The following EYS variants were observed in gnomAD, a reference collection of about 807,000 sequenced individuals.
EYS encodes the protein EGF-like photoreceptor maintenance factor.
A neutral mutation model predicts 282.1 loss-of-function variants in EYS; 250 were observed. The ratio of observed to expected loss-of-function variants is 0.89; its 90% CI spans 0.80 to 0.98. The LOEUF (loss-of-function observed/expected upper bound fraction) is 0.98. EYS is among the 50% of genes least tolerant of loss of function. The pLI, the probability that EYS is intolerant of heterozygous loss-of-function variation, is 0.00. For missense variants in EYS, 4,016 were observed against 3,709.0 expected, an observed-to-expected ratio of 1.08 and a Z score of -2.15; for synonymous variants, 1,355 against 1,282.9, an observed-to-expected ratio of 1.06 and a Z score of -1.20.
chr6:64,327,633 G>A (rs1770477438), intron 29 of EYS, among the ~76,000 whole-genome samples: 1 of 152,110 alleles, frequency 6.6e-6, no homozygotes, highest in Non-Finnish European at 1.5e-5. Flanking sequence ...AGTGGCTGCA[G>A]GCCTGCTTTG....
Position 64,973,811 on chromosome 6 carries a change from A to T in EYS, c.2259+23771T>A, listed in dbSNP as rs1031695444. 1.4e-3 allele frequency among the ~76,000 whole-genome samples: 209 copies of T among 152,036 alleles called. 2 individuals carry two copies. Among genetic ancestry groups the T allele is most frequent in the African/African-American group, 4.7e-3 (195 of 41,546 alleles). On this transcript the variant is annotated intron_variant, in intron 14 of 42. Coordinates refer to ENST00000503581, the MANE Select transcript of EYS (RefSeq NM_001142800.2). Reference sequence around the variant, plus strand: ...CTGCATTTTTCGTAAAGCAGGCATTATTTCTCATTTTTAAAATGGGCTTTA... The same window carrying T: ...CTGCATTTTTCGTAAAGCAGGCATTTTTTCTCATTTTTAAAATGGGCTTTA...
At chr6:65,640,857 G>A (rs1439575579) in intron 1 of EYS, among the ~76,000 whole-genome samples, 3 of 151,778 alleles carry the variant, frequency 2.0e-5, no homozygotes, top group African/African-American at 4.8e-5. Context: ...TTCTGTCATT[G>A]ACCATTTCTG....
At chr6:65,387,889 A>G (rs1765861505) in intron 7 of EYS, among the ~76,000 whole-genome samples, 1 of 152,034 alleles carries the variant, frequency 6.6e-6, no homozygotes. Flanking sequence ...TTCATCATGC[A>G]TACATGGGGA....
At chr6:65,488,689 A>G (rs990542397) in intron 5 of EYS, among the ~76,000 whole-genome samples, 9 of 152,194 alleles carry the variant, frequency 5.9e-5, no homozygotes, top group African/African-American at 2.2e-4. Flanking sequence ...GGCAAGAAGA[A>G]CAAAGCTGGA....
intron 13 of EYS, among the ~76,000 whole-genome samples, chr6:65,009,771 C>A (rs986334558): frequency 3.3e-5 from 5 of 152,136 alleles, no homozygotes; most frequent in African/African-American, 9.7e-5. Flanking sequence ...GGTTTCCAAA[C>A]AAAAGGCTCA....
chr6:63,927,272 A>C (rs1356263506), intron 35 of EYS, among the ~76,000 whole-genome samples: 1 of 152,226 alleles, frequency 6.6e-6, no homozygotes, highest in Non-Finnish European at 1.5e-5. Context: ...AGGATCCTGC[A>C]CTTAATAAAA....
chr6:65,486,549 C>T (rs980227358), intron 5 of EYS, among the ~76,000 whole-genome samples: 2 of 152,178 alleles, frequency 1.3e-5, no homozygotes, highest in East Asian at 1.9e-4. Context: ...AAGTTTATTC[C>T]TCCATGATTC....
intron 2 of EYS, among the ~76,000 whole-genome samples, chr6:65,602,954 T>C (rs1333228994): frequency 1.3e-5 from 2 of 152,016 alleles, no homozygotes; most frequent in Non-Finnish European, 2.9e-5. Flanking sequence ...TAAGGTAAAG[T>C]AGTAGACTGA....
chr6:64,785,264 G>T (rs1325212732), intron 22 of EYS, among the ~76,000 whole-genome samples: 1 of 152,034 alleles, frequency 6.6e-6, no homozygotes, highest in Non-Finnish European at 1.5e-5. Context: ...AGCTTAGTTA[G>T]CTGTTAAAAT....
At chr6:65,646,344 T>C (rs9342491) in intron 1 of EYS, among the ~76,000 whole-genome samples, 7,640 of 152,228 alleles carry the variant, frequency 0.05, 415 homozygotes, top group East Asian at 0.3. Flanking sequence ...AGTGGGTTTA[T>C]ACCAGGGATG....
At chr6:64,076,429 G>A (rs749928607) in intron 32 of EYS, among the ~76,000 whole-genome samples, 9 of 151,870 alleles carry the variant, frequency 5.9e-5, no homozygotes, top group Non-Finnish European at 1.2e-4. Context: ...GGTTAATATG[G>A]TTTGGCTGTG....
chr6:65,148,884 T>C (rs1764544904), intron 12 of EYS, among the ~76,000 whole-genome samples: 1 of 152,096 alleles, frequency 6.6e-6, no homozygotes, highest in East Asian at 1.9e-4. Flanking sequence ...GCTTTCACCC[T>C]CTGAAGTAAT....
At chr6:64,131,062 T>G (rs2150281630) in intron 31 of EYS, among the ~76,000 whole-genome samples, 1 of 151,976 alleles carries the variant, frequency 6.6e-6, no homozygotes, top group South Asian at 2.1e-4. Context: ...GAGACAGAGT[T>G]TCACCATGTT....
chr6:63,781,197 T>C (rs886728478), intron 39 of EYS, among the ~76,000 whole-genome samples: 1 of 152,258 alleles, frequency 6.6e-6, no homozygotes, highest in African/African-American at 2.4e-5. Context: ...CCTCCAGGTT[T>C]GTCCTTTTTG....
intron 6 of EYS, among the ~76,000 whole-genome samples, chr6:65,403,908 G>C (rs2150364664): frequency 6.6e-6 from 1 of 152,062 alleles, no homozygotes; most frequent in Middle Eastern, 3.4e-3. Flanking sequence ...GTTCTTGATA[G>C]ATTATTGTAT....
At chr6:64,788,218 T>C (rs916105089) in intron 22 of EYS, among the ~76,000 whole-genome samples, 1 of 152,284 alleles carries the variant, frequency 6.6e-6, no homozygotes. Flanking sequence ...CAGATTAAGT[T>C]GACCAAGGAG....
intron 29 of EYS, among the ~76,000 whole-genome samples, chr6:64,330,852 C>G (rs925884254): frequency 3.3e-5 from 5 of 152,148 alleles, no homozygotes; most frequent in Non-Finnish European, 5.9e-5. Context: ...TAATCTAAAT[C>G]CAGCCACACT....
chr6:65,076,035 G>A (rs748134148), intron 12 of EYS, among the ~76,000 whole-genome samples: 1 of 151,888 alleles, frequency 6.6e-6, no homozygotes, highest in African/African-American at 2.4e-5. Flanking sequence ...TTACTTTACA[G>A]TCCAAATGAC....
At chr6:64,323,871 C>T (rs1043302094) in intron 29 of EYS, among the ~76,000 whole-genome samples, 1 of 152,092 alleles carries the variant, frequency 6.6e-6, no homozygotes, top group Non-Finnish European at 1.5e-5. Context: ...TTTTCATCCT[C>T]CTTTCACTAT....
Sources: gnomAD v4.1 joint callset for allele counts (sites outside exome capture counted in the v4.1 genomes callset) on GRCh38, gnomAD v4.1.1 for gene constraint, MANE v1.5 for transcripts, NCBI Gene and HGNC (gene_info 2026-07-23, HGNC 2026-07-21) for gene names.